MYO9A: variants seen among roughly 807,000 people sequenced by gnomAD.
The protein encoded by MYO9A is myosin IXA, also known as unconventional myosin-IXa.
In MYO9A, 103 loss-of-function variants were observed where a neutral mutation model predicts 293.3. The observed-to-expected ratio is 0.35, with a 90% CI of 0.30 to 0.41. MYO9A has a LOEUF of 0.41. MYO9A is among the 10% of genes least tolerant of loss of function. MYO9A has a pLI of 1.00. For missense variants in MYO9A, 2,685 were observed against 3,033.0 expected (o/e 0.89, Z 2.69); for synonymous variants, 1,001 against 1,035.7 (o/e 0.97, Z 0.64).
At chr15:72,019,951 G>A (rs1051810089) in intron 5 of MYO9A, among the ~76,000 whole-genome samples, 23 of 151,970 alleles carry the variant, frequency 1.5e-4, no homozygotes, top group Admixed American at 1.0e-3. Context: ...AAGGTTTCAC[G>A]ATGTTGGCCA....
At chr15:72,007,130 GTA>G (rs2077039735) in intron 8 of MYO9A, among the ~76,000 whole-genome samples, 1 of 152,118 alleles carries the variant, frequency 6.6e-6, no homozygotes, top group Non-Finnish European at 1.5e-5. Flanking sequence ...ATTAAAATAT[GTA>G]TAGATACGTG....
At chr15:71,871,314 G>A (rs777537909) in intron 32 of MYO9A, among the ~76,000 whole-genome samples, 7 of 152,126 alleles carry the variant, frequency 4.6e-5, no homozygotes, top group Non-Finnish European at 8.8e-5. Context: ...GGTCAAGGCC[G>A]CAGTGAGATG....
intron 19 of MYO9A, among the ~76,000 whole-genome samples, chr15:71,910,152 G>GTATATATATATACGTATATATATA (rs2057799381): frequency 2.0e-5 from 1 of 50,008 alleles, no homozygotes; most frequent in African/African-American, 5.8e-5. Context: ...ACGTGTGTGT[G>GTATATATATATACGTATATATATA]TATATATATA....
rs1479859997 is a variant in MYO9A, at chr15:72,046,078, G to T, written c.486C>A (p.Leu162=). The T allele has an allele frequency of 3.7e-6, 6 of 1,613,582 alleles. No individual in the cohort carries two copies. The African/African-American group carries it at 4.0e-5, about 11-fold the overall frequency. The part of the protein sequence containing the change: ...CSLPDLNEKT[L]LENLRNRFKH... The stretch of plus-strand genomic sequence containing the variant: ...TAAAGCGATTTCGTAGGTTTTCTAA[G>T]AGAGTTTTCTCATTCAAATCAGGTA... The change falls in exon 2 of 42, where the codon CTC becomes CTA. Residue 162 remains leucine (L), a synonymous_variant. Coordinates refer to ENST00000356056, the MANE Select transcript of MYO9A (RefSeq NM_006901.4).
intron 19 of MYO9A, among the ~76,000 whole-genome samples, chr15:71,906,398 G>A (rs977046872): frequency 1.3e-5 from 2 of 152,252 alleles, no homozygotes; most frequent in Non-Finnish European, 2.9e-5. Context: ...CAATTACCAA[G>A]AGGTATGCTG....
intron 1 of MYO9A, among the ~76,000 whole-genome samples, chr15:72,068,332 A>G (rs993122629): frequency 2.0e-5 from 3 of 152,174 alleles, no homozygotes; most frequent in African/African-American, 7.2e-5. Context: ...ATAGTTGGAC[A>G]CTGTGCTGTG....
In MYO9A at chr15:71,849,920, T is replaced by C. The variant is rs186711568; in HGVS notation, c.6713+116A>G. On this transcript the variant is annotated intron_variant, in intron 38 of 41. Coordinates refer to ENST00000356056, the MANE Select transcript of MYO9A (RefSeq NM_006901.4). ...AAGAAAACCCAGCAGTGTCCAACAA[T>C]CTTCTTAAAAACACCTGAATTTATG... The C allele has an allele frequency of 2.4e-3, 3,132 of 1,327,566 alleles. 5 individuals are homozygous for C. The highest frequency in any genetic ancestry group is 3.1e-3 in the Non-Finnish European group (2,935 of 952,958). 82.2% of individuals were successfully genotyped at this position (1,327,566 alleles called of 1,614,324 possible). A position where few individuals can be genotyped will look rare whatever the true frequency, so the allele number is the denominator to read the frequency against.
Position 71,826,988 on chromosome 15 carries a change from G to A in MYO9A, c.7239C>T (p.Ser2413=), listed in dbSNP as rs778074861. ...LKTAGKSEPS[S]KLRKQLKKQQ... The stretch of plus-strand genomic sequence containing the variant: ...GCTTTTTAAGTTGCTTTCGCAACTT[G>A]CTGGAAGGTTCAGACTTGCCAGCTG... Residue 2413 remains serine, a synonymous_variant, in exon 42 of 42, where the codon AGC becomes AGT. Coordinates refer to ENST00000356056, the MANE Select transcript of MYO9A (RefSeq NM_006901.4). 2 of 1,612,880 alleles carry A rather than the reference G, an allele frequency of 1.2e-6. No individual in the cohort carries two copies. The highest frequency in any genetic ancestry group is 2.7e-5 in the African/African-American group (2 of 74,828).
chr15:71,826,410 G>T lies in MYO9A; in HGVS notation c.*170C>A. The T allele has an allele frequency of 1.6e-6, 1 of 628,118 alleles. No homozygotes were observed. The highest frequency in any genetic ancestry group is 2.9e-5 in the East Asian group (1 of 34,078). The allele number at this position is 628,118 out of a possible 1,614,324, so 38.9% of individuals were successfully genotyped here. A position where few individuals can be genotyped will look rare whatever the true frequency, so the allele number is the denominator to read the frequency against. ...TGGCACCATCCCCAGCAGGCTTTCTGCTTCTGCAGGAGGCCCAGGAATTCA... is the reference window on the plus strand; with the variant it reads ...TGGCACCATCCCCAGCAGGCTTTCTTCTTCTGCAGGAGGCCCAGGAATTCA... On this transcript the variant is annotated 3_prime_UTR_variant, in exon 42 of 42. Transcript: ENST00000356056.
intron 2 of MYO9A, among the ~76,000 whole-genome samples, chr15:72,040,996 G>A (rs2078210660): frequency 6.6e-6 from 1 of 152,132 alleles, no homozygotes. Flanking sequence ...TGTAATTCTA[G>A]CACTTTGGGA....
intron 27 of MYO9A, among the ~76,000 whole-genome samples, chr15:71,884,782 T>C (rs1286897290): frequency 1.3e-5 from 2 of 152,102 alleles, no homozygotes; most frequent in African/African-American, 2.4e-5. Context: ...ATTTTGAGTA[T>C]GTACTAGGTG....
At chr15:72,016,229 A>G (rs1405917756) in intron 6 of MYO9A, among the ~76,000 whole-genome samples, 1 of 152,158 alleles carries the variant, frequency 6.6e-6, no homozygotes, top group African/African-American at 2.4e-5. Context: ...ACTTATATAT[A>G]CATTTACGGA....
intron 13 of MYO9A, among the ~76,000 whole-genome samples, chr15:71,962,767 A>C (rs2075776334): frequency 6.6e-6 from 1 of 152,236 alleles, no homozygotes; most frequent in Non-Finnish European, 1.5e-5. Flanking sequence ...CTGAAACACC[A>C]GTCTGCCCTA....
chr15:72,002,182 G>A (rs1036537014), intron 8 of MYO9A, among the ~76,000 whole-genome samples: 1 of 151,974 alleles, frequency 6.6e-6, no homozygotes, highest in African/African-American at 2.4e-5. Context: ...AAGCTACAGT[G>A]AGCCATGATC....
At chr15:72,013,223 G>A (rs562310292) in intron 6 of MYO9A, among the ~76,000 whole-genome samples, 38 of 152,180 alleles carry the variant, frequency 2.5e-4, no homozygotes, top group Non-Finnish European at 3.5e-4. Context: ...GTTATCTCTG[G>A]GAAACAATAT....
In MYO9A at chr15:71,864,367, C is replaced by G. The variant is rs985289246; in HGVS notation, c.5980-1756G>C. Among the ~76,000 whole-genome samples the G allele has an allele frequency of 2.6e-5, 4 of 152,206 alleles. No individual in the cohort carries two copies. In the East Asian group the frequency reaches 7.7e-4, roughly 29 times the overall value. The stretch of plus-strand genomic sequence containing the variant: ...AAGAATGTGGATAGACTAGAACCCT[C>G]AGGTACTGCAGGTGGGATTGTAAAG... On this transcript the variant is annotated intron_variant, in intron 32 of 41. Transcript: ENST00000356056.
chr15:72,112,787 TAGA>T (rs1013188404), intron 1 of MYO9A, among the ~76,000 whole-genome samples: 3 of 152,232 alleles, frequency 2.0e-5, no homozygotes, highest in Non-Finnish European at 4.4e-5. Flanking sequence ...GATTAGTGAC[TAGA>T]AGAAGGCATG....
At position 71,822,388 on chromosome 15, in the gene MYO9A, CTG is replaced by C. The variant is rs1420245289; in HGVS notation, c.*4190_*4191del. On this transcript the variant is annotated 3_prime_UTR_variant, in exon 42 of 42. Transcript: ENST00000356056. Reference sequence around the variant, plus strand: ...CAGTGCATATTTTGAGTGACACAAACTGCACTTTATACAGATGGTATCTTGTT... The same window carrying C: ...CAGTGCATATTTTGAGTGACACAAACCACTTTATACAGATGGTATCTTGTT... 1 of 152,060 alleles carries C rather than the reference CTG, an allele frequency of 6.6e-6. No individual in the cohort carries two copies. Among genetic ancestry groups the C allele is most frequent in the Non-Finnish European group, 1.5e-5 (1 of 68,030 alleles). 9.4% of individuals were successfully genotyped at this position (152,060 alleles called of 1,614,324 possible). A position where few individuals can be genotyped will look rare whatever the true frequency, so the allele number is the denominator to read the frequency against.
rs1484865980 is a variant in MYO9A at position 72,117,670 on chromosome 15, C to T, written c.-72+10G>A. On this transcript the variant is annotated intron_variant, in intron 1 of 41. Transcript: ENST00000356056. ...GCTGCAGGGCCGCTGGGCGCTTGGGCGGGTCTTACCTCGGGCTCCGCCGCG... is the reference window on the plus strand; with the variant it reads ...GCTGCAGGGCCGCTGGGCGCTTGGGTGGGTCTTACCTCGGGCTCCGCCGCG... 7.6e-6 allele frequency: 3 copies of T among 396,018 alleles called. No homozygotes were observed. The highest frequency in any genetic ancestry group is 1.3e-5 in the Non-Finnish European group (3 of 224,862). 24.5% of individuals were successfully genotyped at this position (396,018 alleles called of 1,614,324 possible).
Sources: gnomAD v4.1 joint callset for allele counts (sites outside exome capture counted in the v4.1 genomes callset) on GRCh38, gnomAD v4.1.1 for gene constraint, MANE v1.5 for transcripts, NCBI Gene and HGNC (gene_info 2026-07-23, HGNC 2026-07-21) for gene names.